PRDM10: variants seen among roughly 807,000 people sequenced by gnomAD.
PRDM10 encodes PR domain zinc finger protein 10.
Under a neutral mutation model 133.1 loss-of-function variants are expected in PRDM10, and 65 were observed. The ratio of observed to expected loss-of-function variants is 0.49; its 90% CI spans 0.40 to 0.60. The LOEUF is 0.60. Among genes scored for constraint, PRDM10 ranks in the 20% least tolerant of loss-of-function variants. The pLI, the probability that PRDM10 is intolerant of heterozygous loss-of-function variation, is 0.00. For missense variants in PRDM10, 1,137 were observed against 1,507.1 expected (o/e 0.75, Z 4.07); for synonymous variants, 582 against 580.4 (o/e 1.00, Z -0.04).
chr11:129,989,026 G>A (rs1938587481), intron 1 of PRDM10, among the ~76,000 whole-genome samples: 1 of 152,240 alleles, frequency 6.6e-6, no homozygotes, highest in Non-Finnish European at 1.5e-5. Context: ...TCAAACAGTA[G>A]TAAGGATGGG....
At chr11:129,943,873 G>A (rs1951299463) in intron 6 of PRDM10, among the ~76,000 whole-genome samples, 1 of 152,068 alleles carries the variant, frequency 6.6e-6, no homozygotes, top group Non-Finnish European at 1.5e-5. Flanking sequence ...GGCACCTGTA[G>A]TCCCAGCTAC....
At chr11:129,964,785 A>G (rs753014155) in intron 1 of PRDM10, among the ~76,000 whole-genome samples, 41 of 152,354 alleles carry the variant, frequency 2.7e-4, no homozygotes, top group Non-Finnish European at 5.0e-4. Flanking sequence ...ATGTGTTAGT[A>G]TCCCACATTT....
chr11:129,990,461 G>A (rs1337930910), intron 1 of PRDM10, among the ~76,000 whole-genome samples: 1 of 147,898 alleles, frequency 6.8e-6, no homozygotes, highest in Non-Finnish European at 1.5e-5. Flanking sequence ...GGTAGAAGTC[G>A]CAGTGAGCAG....
intron 1 of PRDM10, among the ~76,000 whole-genome samples, chr11:129,999,146 A>C (rs1939212154): frequency 6.6e-6 from 1 of 152,194 alleles, no homozygotes; most frequent in African/African-American, 2.4e-5. Context: ...AAGAATAAAA[A>C]AGAAAAGAGG....
At chr11:129,948,513 C>T (rs971241547) in intron 4 of PRDM10, among the ~76,000 whole-genome samples, 1 of 152,136 alleles carries the variant, frequency 6.6e-6, no homozygotes, top group African/African-American at 2.4e-5. Context: ...CATAGAATCC[C>T]ACTCCACAAC....
Position 129,923,185 on chromosome 11 carries a change from C to G in PRDM10, c.2034+63G>C. On this transcript the variant is annotated intron_variant, in intron 13 of 20. Coordinates refer to ENST00000360871, the MANE Select transcript of PRDM10 (RefSeq NM_199437.2). This position sits in a 1 kb window ranked among gnomAD's most constrained non-coding sequence, Gnocchi z 4.4. ...ACTGATGAAATGAACAGGCATTTAC[C>G]CTCAGCTTGCTATAATTCCAGTGGC... 1 of 1,479,600 alleles carries G rather than the reference C, an allele frequency of 6.8e-7. No individual in the cohort carries two copies. The highest frequency in any genetic ancestry group is 9.0e-7 in the Non-Finnish European group (1 of 1,107,456). The allele number at this position is 1,479,600 out of a possible 1,614,324, so 91.7% of individuals were successfully genotyped here.
intron 1 of PRDM10, among the ~76,000 whole-genome samples, chr11:129,978,079 T>C (rs1013241858): frequency 2.0e-5 from 3 of 152,134 alleles, no homozygotes; most frequent in Admixed American, 6.5e-5. Context: ...CCAAATAAAA[T>C]TGTTTTGCTT....
intron 1 of PRDM10, among the ~76,000 whole-genome samples, chr11:129,985,133 T>A (rs1033885671): frequency 1.3e-5 from 2 of 152,166 alleles, no homozygotes; most frequent in African/African-American, 4.8e-5. Context: ...CCATCTGGAA[T>A]GAATATAGTG....
chr11:129,955,398 C>A, intron 4 of PRDM10, 114 bp downstream of exon 4: 1 of 960,514 alleles, frequency 1.0e-6, no homozygotes, highest in South Asian at 1.8e-5. Flanking sequence ...GGAGAACATT[C>A]TTAGTACATG....
In PRDM10 at chr11:129,944,810, G is replaced by T. The variant is rs762366388; in HGVS notation, c.723C>A (p.Val241=). The T allele has an allele frequency of 1.2e-6, 2 of 1,613,982 alleles. No individual in the cohort carries two copies. The highest frequency in any genetic ancestry group is 2.2e-5 in the South Asian group (2 of 91,082). ...TQFGPVEGPL[V]RGSELKDCYI... ...AACAGTCTTTCAGCTCCGAGCCCCT[G>T]ACGAGAGGCCCCTCCACGGGGCCAA... is the stretch of plus-strand genomic sequence containing the variant. The change falls in exon 6 of 21, where the codon GTC becomes GTA. Residue 241 remains valine, a synonymous_variant. Transcript: ENST00000360871.
intron 1 of PRDM10, among the ~76,000 whole-genome samples, chr11:129,985,809 A>AATATATATATATATATATATATAT (rs1555114095): frequency 8.2e-5 from 5 of 61,090 alleles, no homozygotes; most frequent in East Asian, 1.8e-3. Flanking sequence ...AAAAAAAAAA[A>AATATATATATATATATATATATAT]ATATATATAT....
intron 1 of PRDM10, among the ~76,000 whole-genome samples, chr11:129,978,478 G>A (rs998798557): frequency 1.3e-5 from 2 of 152,218 alleles, no homozygotes; most frequent in Admixed American, 6.5e-5. Flanking sequence ...CTGTCATCAA[G>A]GAAGATACTG....
rs1033133196 is a variant in PRDM10, at chr11:129,900,712, A to C, written c.*1601T>G. 6.6e-6 allele frequency: 1 copy of C among 152,248 alleles called. No individual in the cohort carries two copies. The highest frequency in any genetic ancestry group is 1.9e-4 in the East Asian group (1 of 5,198). 9.4% of individuals were successfully genotyped at this position (152,248 alleles called of 1,614,324 possible). A position where few individuals can be genotyped will look rare whatever the true frequency, so the allele number is the denominator to read the frequency against. ...ACCTGTGTTTTGCAATGCAGGGTCA[A>C]TATTTTCTGTTGAATATCTTTGTCA... On this transcript the variant is annotated 3_prime_UTR_variant, in exon 21 of 21. Transcript: ENST00000360871.
intron 1 of PRDM10, among the ~76,000 whole-genome samples, chr11:129,993,475 G>C (rs548629980): frequency 6.6e-6 from 1 of 152,086 alleles, no homozygotes; most frequent in South Asian, 2.1e-4. Flanking sequence ...AGCCTACCCA[G>C]TGCCAATATT....
intron 17 of PRDM10, among the ~76,000 whole-genome samples, chr11:129,912,473 C>T (rs1480558505): frequency 2.6e-5 from 4 of 152,164 alleles, no homozygotes; most frequent in Non-Finnish European, 5.9e-5. Context: ...GGTGAATGGC[C>T]GGGCGCCGTG....
In PRDM10 at chr11:129,947,089, C is replaced by T; in HGVS notation, c.520+56G>A. The stretch of plus-strand genomic sequence containing the variant: ...CTATGTTCACACACACGCACACGTA[C>T]ACAGACACACAAGATGGACACAGCT... On this transcript the variant is annotated intron_variant, in intron 5 of 20. Transcript: ENST00000360871. This position sits in a 1 kb window ranked among gnomAD's most constrained non-coding sequence, Gnocchi z 4.6. 1 of 1,595,808 alleles carries T rather than the reference C, an allele frequency of 6.3e-7. No homozygotes were observed. Among genetic ancestry groups the T allele is most frequent in the Non-Finnish European group, 8.5e-7 (1 of 1,170,394 alleles).
chr11:129,997,452 C>A (rs1333495930), intron 1 of PRDM10, among the ~76,000 whole-genome samples: 1 of 151,960 alleles, frequency 6.6e-6, no homozygotes, highest in Non-Finnish European at 1.5e-5. Flanking sequence ...CGCATTCCTG[C>A]GTAGGTGACA....
rs1367066639 is a variant in PRDM10, at chr11:129,907,954, A to T, written c.3164-2213T>A. 2.6e-5 allele frequency among the ~76,000 whole-genome samples: 4 copies of T among 151,860 alleles called. No individual in the cohort carries two copies. In the East Asian group the frequency reaches 7.9e-4, roughly 30 times the overall value. On this transcript the variant is annotated intron_variant, in intron 19 of 20. Coordinates refer to ENST00000360871, the MANE Select transcript of PRDM10 (RefSeq NM_199437.2). ...AAAAAATTCAAAGGAAAAAAGAATT[A>T]GCCAAACATGGTGGTATGTGCCTGT... is the stretch of plus-strand genomic sequence containing the variant.
intron 4 of PRDM10, among the ~76,000 whole-genome samples, chr11:129,951,251 C>T (rs1343238043): frequency 6.6e-6 from 1 of 152,208 alleles, no homozygotes; most frequent in Non-Finnish European, 1.5e-5. Context: ...TGTTACAACG[C>T]TCCTAAGTGG....
Sources: gnomAD v4.1 joint callset for allele counts (sites outside exome capture counted in the v4.1 genomes callset) on GRCh38, gnomAD v4.1.1 for gene constraint, Gnocchi (gnomAD v3.1) non-coding constraint, MANE v1.5 for transcripts, NCBI Gene and HGNC (gene_info 2026-07-23, HGNC 2026-07-21) for gene names.